The following LRRC4C variants were observed in gnomAD, a reference collection of about 807,000 sequenced individuals.
The protein encoded by LRRC4C is leucine rich repeat containing 4C.
In LRRC4C, 5 loss-of-function variants were observed where a neutral mutation model predicts 33.6. The ratio of observed to expected loss-of-function variants is 0.15; its 90% confidence interval spans 0.08 to 0.31. The LOEUF is 0.31. Ranked by LOEUF, LRRC4C falls within the 10% of genes least tolerant of loss-of-function variation. The pLI is 1.00. For synonymous variants in LRRC4C, 329 were observed against 302.0 expected, an observed-to-expected ratio of 1.09 and a Z score of -0.93; for missense variants, 560 against 796.7, an observed-to-expected ratio of 0.70 and a Z score of 3.58.
At chr11:40,823,526 A>G (rs1057010073) in intron 2 of LRRC4C, among the ~76,000 whole-genome samples, 3 of 151,832 alleles carry the variant, frequency 2.0e-5, no homozygotes, top group East Asian at 3.9e-4. Flanking sequence ...GAATAATTAT[A>G]AAATCACCAA....
At chr11:41,404,782 G>T (rs1954167050) in intron 1 of LRRC4C, among the ~76,000 whole-genome samples, 1 of 151,970 alleles carries the variant, frequency 6.6e-6, no homozygotes, top group Admixed American at 6.6e-5. Context: ...CCATCAATTA[G>T]AAGCAAAAAC....
At chr11:40,608,135 C>T (rs1390172881) in intron 3 of LRRC4C, among the ~76,000 whole-genome samples, 4 of 151,962 alleles carry the variant, frequency 2.6e-5, no homozygotes, top group African/African-American at 9.7e-5. Flanking sequence ...GTAAAAATAA[C>T]TTTTAATTTG....
At chr11:41,401,719 G>A (rs2956773) in intron 1 of LRRC4C, among the ~76,000 whole-genome samples, 126,660 of 151,792 alleles carry the variant, frequency 0.83, 52,938 homozygotes, top group East Asian at 0.87. Context: ...TAGTTTATTC[G>A]TTCACTTGTT....
intron 1 of LRRC4C, among the ~76,000 whole-genome samples, chr11:40,999,574 C>T (rs61887620): frequency 0.089 from 13,504 of 152,062 alleles, 647 homozygotes; most frequent in Non-Finnish European, 0.1. Flanking sequence ...AGGGAACAAC[C>T]GTCCCATAGG....
chr11:41,278,912 A>C (rs1054578319), intron 1 of LRRC4C, among the ~76,000 whole-genome samples: 2 of 152,154 alleles, frequency 1.3e-5, no homozygotes, highest in Non-Finnish European at 2.9e-5. Context: ...TTGGTGTACT[A>C]ATCATCCCAT....
chr11:40,282,844 C>T (rs1447888444), intron 4 of LRRC4C, among the ~76,000 whole-genome samples: 1 of 152,172 alleles, frequency 6.6e-6, no homozygotes, highest in Non-Finnish European at 1.5e-5. Context: ...TGTATGTATG[C>T]CTGGCTCCCA....
intron 1 of LRRC4C, among the ~76,000 whole-genome samples, chr11:41,219,769 G>T (rs1281138189): frequency 1.3e-5 from 2 of 152,184 alleles, no homozygotes; most frequent in Admixed American, 1.3e-4. Context: ...AAGTTTCAGA[G>T]ATGCAATTCT....
intron 2 of LRRC4C, among the ~76,000 whole-genome samples, chr11:40,880,526 GAATA>G (rs61493789): frequency 0.049 from 4,140 of 85,318 alleles, 114 homozygotes; most frequent in Middle Eastern, 0.11. Context: ...CCCCTCCACA[GAATA>G]AGATTTTTAA....
In LRRC4C at chr11:40,933,967, G is replaced by C. The variant is rs921778620; in HGVS notation, c.-495-244C>G. On this transcript the variant is annotated intron_variant, in intron 1 of 6. Coordinates refer to ENST00000528697, the MANE Select transcript of LRRC4C (RefSeq NM_001258419.2). ...ATCACAATATTTGGTTCTGAGAAAA[G>C]TGTCACTTTATCAAATTTGTCTTTC... Among the ~76,000 whole-genome samples, 5 of 152,130 alleles carry C rather than the reference G, an allele frequency of 3.3e-5. No individual in the cohort carries two copies. In the East Asian group the frequency reaches 7.7e-4, roughly 23 times the overall value.
intron 1 of LRRC4C, among the ~76,000 whole-genome samples, chr11:41,177,201 C>T (rs1945242581): frequency 6.6e-6 from 1 of 152,046 alleles, no homozygotes; most frequent in Non-Finnish European, 1.5e-5. Context: ...GATGATGTGG[C>T]TGGATAAGAG....
intron 2 of LRRC4C, among the ~76,000 whole-genome samples, chr11:40,920,816 C>A (rs185019016): frequency 3.3e-5 from 5 of 152,198 alleles, no homozygotes; most frequent in African/African-American, 1.2e-4. Flanking sequence ...CATTCTAGAC[C>A]ATGTGACTAT....
intron 2 of LRRC4C, among the ~76,000 whole-genome samples, chr11:40,726,415 C>T (rs1947296192): frequency 6.6e-6 from 1 of 152,146 alleles, no homozygotes; most frequent in South Asian, 2.1e-4. Flanking sequence ...CAATTGCTAG[C>T]AAACTGAATC....
intron 1 of LRRC4C, among the ~76,000 whole-genome samples, chr11:41,452,013 G>GATTGATTTTTT (rs1956042660): frequency 2.6e-5 from 4 of 152,062 alleles, no homozygotes; most frequent in Admixed American, 2.6e-4. Flanking sequence ...GAAAGAGTAT[G>GATTGATTTTTT]CCTTTATTAG....
chr11:41,294,762 A>G (rs1214617855), intron 1 of LRRC4C, among the ~76,000 whole-genome samples: 2 of 152,194 alleles, frequency 1.3e-5, no homozygotes, highest in African/African-American at 4.8e-5. Context: ...CAATAAAACT[A>G]TTATAGCAGG....
At chr11:41,014,701 C>A (rs1855456003) in intron 1 of LRRC4C, among the ~76,000 whole-genome samples, 1 of 152,064 alleles carries the variant, frequency 6.6e-6, no homozygotes, top group African/African-American at 2.4e-5. Context: ...TATACTTATC[C>A]TCCCACAAGT....
chr11:40,480,490 A>ATC (rs1480788124), intron 3 of LRRC4C, among the ~76,000 whole-genome samples: 16 of 152,068 alleles, frequency 1.1e-4, no homozygotes, highest in African/African-American at 3.9e-4. Context: ...AAGGTAGAGG[A>ATC]GGGTGGGGAT....
intron 2 of LRRC4C, among the ~76,000 whole-genome samples, chr11:40,784,743 T>A (rs1203576377): frequency 6.6e-6 from 1 of 152,154 alleles, no homozygotes; most frequent in Non-Finnish European, 1.5e-5. Context: ...CAGCAAATAA[T>A]CCTTAGGAAA....
chr11:40,504,849 G>C (rs1954955050), intron 3 of LRRC4C, among the ~76,000 whole-genome samples: 1 of 152,014 alleles, frequency 6.6e-6, no homozygotes, highest in African/African-American at 2.4e-5. Context: ...GGAATTTTCT[G>C]GCTCTGTCTT....
intron 1 of LRRC4C, among the ~76,000 whole-genome samples, chr11:41,280,940 G>T (rs1041463452): frequency 1.3e-5 from 2 of 151,810 alleles, no homozygotes; most frequent in Non-Finnish European, 2.9e-5. Context: ...GTACACTCTC[G>T]TCACCAAGAT....
Sources: gnomAD v4.1 joint callset for allele counts (sites outside exome capture counted in the v4.1 genomes callset) on GRCh38, gnomAD v4.1.1 for gene constraint, MANE v1.5 for transcripts, NCBI Gene and HGNC (gene_info 2026-07-23, HGNC 2026-07-21) for gene names.